Variants in SDK1 observed in about 807,000 individuals in gnomAD.
The protein encoded by SDK1 is sidekick cell adhesion molecule 1.
In SDK1, 157 loss-of-function variants were observed where a neutral mutation model predicts 245.5. The ratio of observed to expected loss-of-function variants is 0.64; its 90% CI spans 0.56 to 0.73. The LOEUF is 0.73. SDK1 is among the 30% of genes least tolerant of loss of function. The pLI, the probability that SDK1 is intolerant of heterozygous loss-of-function variation, is 0.00. For missense variants in SDK1, 3,583 were observed against 3,002.3 expected (o/e 1.19, Z -4.52); for synonymous variants, 1,647 against 1,278.5 (o/e 1.29, Z -6.15).
intron 5 of SDK1, among the ~76,000 whole-genome samples, chr7:3,884,352 T>G (rs1291544523): frequency 6.6e-6 from 1 of 152,142 alleles, no homozygotes; most frequent in East Asian, 1.9e-4. Flanking sequence ...GTCTGGCGCA[T>G]AAAAGGAGTT....
intron 4 of SDK1, among the ~76,000 whole-genome samples, chr7:3,720,253 G>C (rs6972186): frequency 0.14 from 20,918 of 151,758 alleles, 2,183 homozygotes; most frequent in African/African-American, 0.29. Flanking sequence ...GAGACTCTGT[G>C]TCAAAAAACA....
intron 1 of SDK1, among the ~76,000 whole-genome samples, chr7:3,358,011 A>G (rs886420491): frequency 2.6e-5 from 4 of 151,774 alleles, no homozygotes; most frequent in African/African-American, 9.7e-5. Flanking sequence ...ATTCCCAGTC[A>G]TTTTCTTTTT....
At chr7:3,349,985 A>C (rs11978230) in intron 1 of SDK1, among the ~76,000 whole-genome samples, 2,254 of 152,272 alleles carry the variant, frequency 0.015, 65 homozygotes, top group African/African-American at 0.051. Context: ...ACTCTTGATG[A>C]AGTAGCAGGT....
chr7:3,886,172 G>C (rs1781334536), intron 5 of SDK1, among the ~76,000 whole-genome samples: 1 of 152,228 alleles, frequency 6.6e-6, no homozygotes, highest in Non-Finnish European at 1.5e-5. Context: ...ATGAAGGATG[G>C]ATCTGGGCCT....
At chr7:3,973,636 C>A (rs1435565126) in intron 12 of SDK1, among the ~76,000 whole-genome samples, 1 of 152,010 alleles carries the variant, frequency 6.6e-6, no homozygotes, top group East Asian at 1.9e-4. Flanking sequence ...TCGTTGCCTC[C>A]TGTCCAGACA....
At chr7:3,320,783 A>G (rs1779783301) in intron 1 of SDK1, among the ~76,000 whole-genome samples, 1 of 152,194 alleles carries the variant, frequency 6.6e-6, no homozygotes, top group Non-Finnish European at 1.5e-5. Flanking sequence ...ATCTAGAGTG[A>G]GACCAAACTT....
At chr7:3,308,511 T>C (rs1023597441) in intron 1 of SDK1, among the ~76,000 whole-genome samples, 3 of 152,072 alleles carry the variant, frequency 2.0e-5, no homozygotes, top group African/African-American at 7.2e-5. Context: ...CTAGTGAAGA[T>C]AACAGCTATC....
chr7:3,877,377 G>A (rs1382861211), intron 5 of SDK1, among the ~76,000 whole-genome samples: 1 of 152,170 alleles, frequency 6.6e-6, no homozygotes, highest in Non-Finnish European at 1.5e-5. Flanking sequence ...TCAGCAGAAA[G>A]TAGCTGCTAT....
intron 1 of SDK1, among the ~76,000 whole-genome samples, chr7:3,591,179 C>G (rs1562586813): frequency 6.6e-6 from 1 of 152,156 alleles, no homozygotes; most frequent in Non-Finnish European, 1.5e-5. Flanking sequence ...GTAGGCAGTT[C>G]AAGGTGTTAA....
chr7:3,798,384 A>AT (rs1779019252), intron 4 of SDK1, among the ~76,000 whole-genome samples: 1 of 151,578 alleles, frequency 6.6e-6, no homozygotes, highest in African/African-American at 2.4e-5. Context: ...CGCCCAGCTA[A>AT]TTTTTTGTGT....
At chr7:3,772,162 C>G (rs1780423241) in intron 4 of SDK1, among the ~76,000 whole-genome samples, 1 of 151,936 alleles carries the variant, frequency 6.6e-6, no homozygotes, top group African/African-American at 2.4e-5. Flanking sequence ...TCCTATATGT[C>G]TTATCACTTT....
intron 5 of SDK1, among the ~76,000 whole-genome samples, chr7:3,944,373 T>C (rs1300888069): frequency 2.6e-5 from 4 of 152,262 alleles, no homozygotes; most frequent in Non-Finnish European, 4.4e-5. Context: ...TTCCTTTCTC[T>C]ACTTTTGTTT....
intron 1 of SDK1, among the ~76,000 whole-genome samples, chr7:3,486,916 T>C (rs149637820): frequency 3.7e-4 from 57 of 152,328 alleles, no homozygotes; most frequent in African/African-American, 1.3e-3. Flanking sequence ...TATATAAATA[T>C]TAAAACTATT....
rs538601929 is a variant in SDK1, at chr7:3,304,898, G to C, written c.298+3014G>C. Among the ~76,000 whole-genome samples the C allele has an allele frequency of 1.4e-4, 21 of 152,276 alleles. 1 individual carries two copies. The highest frequency in any genetic ancestry group is 4.6e-4 in the African/African-American group (19 of 41,570). ...ATTGGTTTTAATAAACTTGAGGTTTGATCTGGGCATCAGGATGCTGAGACA... is the reference window on the plus strand; with the variant it reads ...ATTGGTTTTAATAAACTTGAGGTTTCATCTGGGCATCAGGATGCTGAGACA... On this transcript the variant is annotated intron_variant, in intron 1 of 44. Coordinates refer to ENST00000404826, the MANE Select transcript of SDK1 (RefSeq NM_152744.4).
chr7:4,088,392 CAAT>C (rs1166013192), intron 22 of SDK1, among the ~76,000 whole-genome samples: 2 of 152,030 alleles, frequency 1.3e-5, no homozygotes, highest in African/African-American at 2.4e-5. Flanking sequence ...CGAATTGGGA[CAAT>C]GATAGAAGAC....
intron 1 of SDK1, among the ~76,000 whole-genome samples, chr7:3,489,060 A>G (rs1306443286): frequency 6.6e-6 from 1 of 152,082 alleles, no homozygotes; most frequent in Non-Finnish European, 1.5e-5. Context: ...ATGTTGATTC[A>G]TGGCTTGAGG....
chr7:4,005,656 C>T (rs1338633243), intron 14 of SDK1, among the ~76,000 whole-genome samples: 2 of 152,062 alleles, frequency 1.3e-5, no homozygotes, highest in African/African-American at 4.8e-5. Context: ...TCTGTGGCTA[C>T]AGACCCGAAA....
At chr7:4,248,191 C>T (rs1787022676) in intron 44 of SDK1, among the ~76,000 whole-genome samples, 1 of 152,086 alleles carries the variant, frequency 6.6e-6, no homozygotes, top group South Asian at 2.1e-4. Flanking sequence ...CACACATGTG[C>T]ACGGACACAT....
rs73674359 is a variant in SDK1, at chr7:3,947,284, G to A, written c.848-3639G>A. On this transcript the variant is annotated intron_variant, in intron 5 of 44. Transcript: ENST00000404826. Reference sequence around the variant, plus strand: ...CTCTTCTGCTCTTCCACCTCACTCCGTCTTCTGCAGTTTCATATCGTCCAG... The same window carrying A: ...CTCTTCTGCTCTTCCACCTCACTCCATCTTCTGCAGTTTCATATCGTCCAG... 5.5e-3 allele frequency among the ~76,000 whole-genome samples: 831 copies of A among 152,158 alleles called. 9 individuals carry two copies. The highest frequency in any genetic ancestry group is 0.019 in the African/African-American group (775 of 41,510).
Sources: allele counts gnomAD v4.1 joint callset (sites outside exome capture counted in the v4.1 genomes callset), GRCh38; gene constraint gnomAD v4.1.1; transcripts MANE v1.5; gene names NCBI Gene and HGNC (gene_info 2026-07-23, HGNC 2026-07-21).